The following OBP2A variants were observed in gnomAD, a reference collection of about 807,000 sequenced individuals.
The protein encoded by OBP2A is odorant-binding protein 2a.
A neutral mutation model predicts 21.9 loss-of-function variants in OBP2A; 15 were observed. The observed-to-expected ratio is 0.69, with a 90% CI of 0.46 to 1.06. The LOEUF is 1.06. Among genes scored for constraint, OBP2A ranks in the 50% least tolerant of loss-of-function variants. The pLI is 0.00. For synonymous variants in OBP2A, 86 were observed against 91.8 expected (o/e 0.94, Z 0.36); for missense variants, 192 against 220.1 (o/e 0.87, Z 0.81).
At chr9:135,546,586 T>G (rs916998457) in intron 1 of OBP2A, among the ~76,000 whole-genome samples, 192 bp from the exon 2 acceptor site, 2 of 151,746 alleles carry the variant, frequency 1.3e-5, no homozygotes, top group African/African-American at 4.8e-5. Context: ...CACTGGGGGC[T>G]GGGAGCCCTG....
At chr9:135,547,081 A>AT in intron 2 of OBP2A, 97 bp from the exon 3 acceptor site, 1 of 1,493,946 alleles carries the variant, frequency 6.7e-7, no homozygotes, top group Admixed American at 1.7e-5. Flanking sequence ...GGGCAGTGGA[A>AT]TTTTCAGGTT....
intron 3 of OBP2A, among the ~76,000 whole-genome samples, chr9:135,547,628 G>A (rs555254079): frequency 1.1e-3 from 162 of 152,342 alleles, no homozygotes; most frequent in African/African-American, 3.7e-3. Context: ...GAGCTGGGAA[G>A]GCCGGACTCT....
intron 6 of OBP2A, 85 bp from the exon 7 acceptor site, chr9:135,549,752 C>G (rs1832072560): frequency 1.1e-6 from 1 of 890,042 alleles, no homozygotes; most frequent in Admixed American, 2.9e-5. Flanking sequence ...GATGTGGAAG[C>G]TGCAGAGCCT....
intron 1 of OBP2A, 111 bp from the exon 2 acceptor site, chr9:135,546,667 G>C (rs1412205359): frequency 3.3e-5 from 50 of 1,515,374 alleles, no homozygotes; most frequent in Non-Finnish European, 3.9e-5. Flanking sequence ...CTGCCTTTAG[G>C]GGTGGCAGCC....
chr9:135,548,052 T>C (rs1831998569), intron 4 of OBP2A, 71 bp downstream of exon 4: 1 of 1,140,008 alleles, frequency 8.8e-7, no homozygotes, highest in Non-Finnish European at 1.3e-6. Context: ...GGAACCACCA[T>C]CATCACGCCC....
rs142341903 is a variant in OBP2A, at chr9:135,548,743, G to A, written c.424G>A (p.Glu142Lys). The A allele has an allele frequency of 3.1e-3, 5,020 of 1,614,076 alleles. 15 individuals carry two copies. The highest frequency in any genetic ancestry group is 4.0e-3 in the Non-Finnish European group (4,686 of 1,179,940). The change falls in exon 5 of 7, where the codon GAA (glutamate) becomes AAA (lysine). Residue 142 changes from glutamate to lysine, a missense_variant. Glu to Lys is a moderately conservative substitution (Grantham distance 56). Coordinates refer to ENST00000371776, the MANE Select transcript of OBP2A (RefSeq NM_014582.3). ...TAATACCAACCTGGAGGCCCTGGAAGAATTTAAGAAATTGGTGCAGCACAA... is the reference window on the plus strand; with the variant it reads ...TAATACCAACCTGGAGGCCCTGGAAAAATTTAAGAAATTGGTGCAGCACAA... ...NPNTNLEALE[E>K]FKKLVQHKGL...
intron 5 of OBP2A, 150 bp downstream of exon 5, chr9:135,548,959 C>T (rs1330643341): frequency 1.5e-5 from 15 of 974,734 alleles, no homozygotes; most frequent in Non-Finnish European, 1.6e-5. Context: ...TTAGCATCCT[C>T]GTCGTTGGAG....
At chr9:135,549,112 G>T in intron 5 of OBP2A, among the ~76,000 whole-genome samples, 196 bp from the exon 6 acceptor site, 1 of 5,520 alleles carries the variant, frequency 1.8e-4, no homozygotes, top group Non-Finnish European at 4.1e-4. Context: ...CGCGCTCTGG[G>T]CTGCGATGGG....
rs1161842925 is a variant in OBP2A, at chr9:135,546,820, G to A, written c.115G>A (p.Asp39Asn). The A allele has an allele frequency of 1.2e-6, 2 of 1,613,310 alleles. No individual in the cohort carries two copies. Among genetic ancestry groups the A allele is most frequent in the Non-Finnish European group, 1.7e-6 (2 of 1,179,526 alleles). Residue 39 changes from aspartate to asparagine, a missense_variant, in exon 2 of 7, where the codon GAC becomes AAC. Physicochemically the swap from Asp to Asn is conservative, Grantham distance 23 (BLOSUM62 1). Coordinates refer to ENST00000371776, the MANE Select transcript of OBP2A (RefSeq NM_014582.3). ...WYVKAMVVDK[D>N]FPEDRRPRKV... ...CGTGAAGGCCATGGTGGTCGATAAG[G>A]ACTTTCCGGAGGACAGGAGGCCCAG...
intron 6 of OBP2A, 73 bp from the exon 7 acceptor site, chr9:135,549,764 G>A: frequency 9.9e-7 from 1 of 1,007,756 alleles, no homozygotes; most frequent in Non-Finnish European, 1.4e-6. Context: ...GCAGAGCCTG[G>A]GGAGGGAGCT....
rs575019350 is a variant in OBP2A, at chr9:135,547,981, G to A, written c.388G>A (p.Gly130Ser). The change falls in exon 4 of 7, where the codon GGT becomes AGT. Residue 130 changes from glycine (G) to serine (S), a missense_variant and splice_region_variant. Physicochemically the swap from Gly to Ser is moderately conservative, Grantham distance 56 (BLOSUM62 0). Transcript: ENST00000371776. ...GGLRYMGKLV[G>S]RNPNTNLEAL... ...CCTGCGCTACATGGGAAAGCTTGTGGGTGAGGGGCCCGCTGGGGCCTGCAT... is the reference window on the plus strand; with the variant it reads ...CCTGCGCTACATGGGAAAGCTTGTGAGTGAGGGGCCCGCTGGGGCCTGCAT... 1.7e-5 allele frequency: 28 copies of A among 1,601,626 alleles called. No homozygotes were observed. In the South Asian group the frequency reaches 1.8e-4, roughly 10 times the overall value.
At chr9:135,548,628 G>T in intron 4 of OBP2A, 80 bp from the exon 5 acceptor site, 1 of 1,595,912 alleles carries the variant, frequency 6.3e-7, no homozygotes, top group South Asian at 1.1e-5. Flanking sequence ...CTGGGCCGTG[G>T]TCGTCTCCTT....
At position 135,549,834 on chromosome 9, in the gene OBP2A, C is replaced by T. The variant is rs1176910479; in HGVS notation, c.*2-3C>T. 1 of 1,521,914 alleles carries T rather than the reference C, an allele frequency of 6.6e-7. No individual in the cohort carries two copies. Among genetic ancestry groups the T allele is most frequent in the Non-Finnish European group, 8.8e-7 (1 of 1,137,298 alleles). The allele number at this position is 1,521,914 out of a possible 1,614,324, so 94.3% of individuals were successfully genotyped here. A position where few individuals can be genotyped will look rare whatever the true frequency, so the allele number is the denominator to read the frequency against. On this transcript the variant is annotated splice_region_variant and splice_polypyrimidine_tract_variant and intron_variant, in intron 6 of 6. Transcript: ENST00000371776. ...CTGACCTCTGCTCCTCTTCCCAGCA[C>T]AGCAGCCCCCGGGTCTGCACCTCCA...
chr9:135,547,317 G>C, intron 3 of OBP2A, 69 bp downstream of exon 3: 1 of 1,532,470 alleles, frequency 6.5e-7, no homozygotes, highest in Non-Finnish European at 9.0e-7. Flanking sequence ...TGCAGGTGGA[G>C]AGTGCCCAGG....
At position 135,547,211 on chromosome 9, in the gene OBP2A, G is replaced by T; in HGVS notation, c.240G>T (p.Leu80=). Residue 80 remains leucine, a synonymous_variant, in exon 3 of 7, where the codon CTG becomes CTT. Transcript: ENST00000371776. The part of the protein sequence containing the change: ...REDRCIQKKI[L]MRKTEEPGKF... Reference sequence around the variant, plus strand: ...ATCGGTGCATCCAGAAGAAAATCCTGATGCGGAAGACGGAGGAGCCTGGCA... The same window carrying T: ...ATCGGTGCATCCAGAAGAAAATCCTTATGCGGAAGACGGAGGAGCCTGGCA... 1 of 1,613,128 alleles carries T rather than the reference G, an allele frequency of 6.2e-7. No individual in the cohort carries two copies. The highest frequency in any genetic ancestry group is 8.5e-7 in the Non-Finnish European group (1 of 1,180,000).
rs1336177355 is a variant in OBP2A at position 135,549,965 on chromosome 9, C to T, written c.*130C>T. 4.8e-6 allele frequency: 7 copies of T among 1,457,138 alleles called. No individual in the cohort carries two copies. The East Asian group carries it at 1.6e-4, about 33-fold the overall frequency. The allele number at this position is 1,457,138 out of a possible 1,614,324, so 90.3% of individuals were successfully genotyped here. A position where few individuals can be genotyped will look rare whatever the true frequency, so the allele number is the denominator to read the frequency against. On this transcript the variant is annotated 3_prime_UTR_variant, in exon 7 of 7. Transcript: ENST00000371776. ...CCTGACTCCAAATAAAGAGCTTCTC[C>T]CCCAGCTCTGGGCAGGCCTATCTGT...
rs750190665 is a variant in OBP2A at position 135,547,853 on chromosome 9, C to T, written c.278-18C>T. On this transcript the variant is annotated intron_variant, in intron 3 of 6. Coordinates refer to ENST00000371776, the MANE Select transcript of OBP2A (RefSeq NM_014582.3). Reference sequence around the variant, plus strand: ...GGGAATGAGGGCACTGAAGACCCATCTTCTCTGTCATCTACAGATGGGGGC... The same window carrying T: ...GGGAATGAGGGCACTGAAGACCCATTTTCTCTGTCATCTACAGATGGGGGC... The T allele has an allele frequency of 2.7e-5, 43 of 1,577,558 alleles. No homozygotes were observed. The highest frequency in any genetic ancestry group is 2.2e-5 in the Non-Finnish European group (25 of 1,158,200).
At position 135,548,769 on chromosome 9, in the gene OBP2A, G is replaced by A; in HGVS notation, c.450G>A (p.Lys150=). ...AATTTAAGAAATTGGTGCAGCACAAGGGACTCTCGGAGGAGGACATTTTCA... is the reference window on the plus strand; with the variant it reads ...AATTTAAGAAATTGGTGCAGCACAAAGGACTCTCGGAGGAGGACATTTTCA... ...LEEFKKLVQH[K]GLSEEDIFMP... Residue 150 remains lysine, a synonymous_variant, in exon 5 of 7, where the codon AAG becomes AAA. Transcript: ENST00000371776. 6.2e-7 allele frequency: 1 copy of A among 1,614,058 alleles called. No homozygotes were observed. Among genetic ancestry groups the A allele is most frequent in the African/African-American group, 1.3e-5 (1 of 75,062 alleles).
At position 135,547,978 on chromosome 9, in the gene OBP2A, G is replaced by C; in HGVS notation, c.385G>C (p.Val129Leu). The change falls in exon 4 of 7, where the codon GTG becomes CTG. Residue 129 changes from valine (V) to leucine (L), a missense_variant. Val to Leu is a conservative substitution (Grantham distance 32, BLOSUM62 1). Transcript: ENST00000371776. ...GGGCCTGCGCTACATGGGAAAGCTTGTGGGTGAGGGGCCCGCTGGGGCCTG... is the reference window on the plus strand; with the variant it reads ...GGGCCTGCGCTACATGGGAAAGCTTCTGGGTGAGGGGCCCGCTGGGGCCTG... ...RGGLRYMGKL[V>L]GRNPNTNLEA... 1.9e-6 allele frequency: 3 copies of C among 1,603,550 alleles called. No homozygotes were observed. Among genetic ancestry groups the C allele is most frequent in the Middle Eastern group, 1.7e-4 (1 of 5,998 alleles).
Sources: allele counts gnomAD v4.1 joint callset (sites outside exome capture counted in the v4.1 genomes callset), GRCh38; gene constraint gnomAD v4.1.1; transcripts MANE v1.5; gene names NCBI Gene and HGNC (gene_info 2026-07-23, HGNC 2026-07-21).